The following GRIN2A variants were observed in gnomAD, a reference collection of about 807,000 sequenced individuals.
The protein encoded by GRIN2A is glutamate ionotropic receptor NMDA type subunit 2A.
A neutral mutation model predicts 113.4 loss-of-function variants in GRIN2A; 22 were observed. The observed-to-expected ratio is 0.19, with a 90% confidence interval of 0.14 to 0.28. GRIN2A has a LOEUF of 0.28. GRIN2A is among the 10% of genes least tolerant of loss of function. The probability of loss-of-function intolerance (pLI) is 1.00; values close to 1 mark genes in which losing one functional copy is unlikely to be tolerated. For missense variants in GRIN2A, 1,502 were observed against 1,887.0 expected (o/e 0.80, Z 3.78); for synonymous variants, 827 against 738.4 (o/e 1.12, Z -1.94).
At chr16:10,080,118 T>C (rs1366790632) in intron 2 of GRIN2A, among the ~76,000 whole-genome samples, 1 of 152,224 alleles carries the variant, frequency 6.6e-6, no homozygotes, top group African/African-American at 2.4e-5. Context: ...TTACTGTTCT[T>C]ATCATCTCCC....
chr16:9,879,514 G>C (rs2043436705), intron 4 of GRIN2A, among the ~76,000 whole-genome samples: 1 of 152,168 alleles, frequency 6.6e-6, no homozygotes, highest in African/African-American at 2.4e-5. Context: ...ATTTCTCTCA[G>C]ATTCCGCGGC....
chr16:9,868,032 T>C (rs1385878399), intron 4 of GRIN2A, among the ~76,000 whole-genome samples: 1 of 152,206 alleles, frequency 6.6e-6, no homozygotes, highest in Non-Finnish European at 1.5e-5. Flanking sequence ...ATCCCAACCA[T>C]GGAAATATCC....
chr16:9,874,862 G>T (rs2141435918), intron 4 of GRIN2A, among the ~76,000 whole-genome samples: 1 of 152,100 alleles, frequency 6.6e-6, no homozygotes, highest in South Asian at 2.1e-4. Context: ...AAGGCAGGCA[G>T]ATTGCCTGGG....
chr16:10,150,924 G>A (rs559562338), intron 2 of GRIN2A, among the ~76,000 whole-genome samples: 1 of 152,284 alleles, frequency 6.6e-6, no homozygotes, highest in African/African-American at 2.4e-5. Context: ...CCTGTGCCCT[G>A]AACATGCCTG....
intron 2 of GRIN2A, among the ~76,000 whole-genome samples, chr16:10,027,041 A>C (rs897856338): frequency 1.3e-5 from 2 of 152,154 alleles, no homozygotes; most frequent in Admixed American, 1.3e-4. Context: ...CCTAGTGCTT[A>C]TTATCAGCTG....
intron 2 of GRIN2A, among the ~76,000 whole-genome samples, chr16:10,119,512 T>C (rs1399470135): frequency 6.6e-6 from 1 of 152,168 alleles, no homozygotes; most frequent in Non-Finnish European, 1.5e-5. Context: ...AAAGCTTCAT[T>C]CAAGAAAGGA....
intron 11 of GRIN2A, among the ~76,000 whole-genome samples, chr16:9,778,522 A>C (rs984399546): frequency 6.6e-6 from 1 of 152,232 alleles, no homozygotes; most frequent in Non-Finnish European, 1.5e-5. Flanking sequence ...TTTTAAACAC[A>C]TACAGATTTA....
intron 2 of GRIN2A, among the ~76,000 whole-genome samples, chr16:10,018,144 A>G (rs2046644549): frequency 6.6e-6 from 1 of 152,218 alleles, no homozygotes; most frequent in Non-Finnish European, 1.5e-5. Context: ...ACTTTTTTAA[A>G]GAGATGAGTT....
intron 2 of GRIN2A, among the ~76,000 whole-genome samples, chr16:10,036,697 C>T (rs868246232): frequency 2.0e-5 from 3 of 151,758 alleles, no homozygotes; most frequent in Admixed American, 2.0e-4. Context: ...CCGCCCACCT[C>T]GGCCTCCCAA....
chr16:10,159,861 C>T (rs966514580), intron 2 of GRIN2A, among the ~76,000 whole-genome samples: 1 of 152,162 alleles, frequency 6.6e-6, no homozygotes, highest in African/African-American at 2.4e-5. Context: ...TTATGTGGAA[C>T]CCACCCAAAG....
chr16:9,952,321 G>A (rs1003657140), intron 2 of GRIN2A, among the ~76,000 whole-genome samples: 12 of 152,126 alleles, frequency 7.9e-5, no homozygotes, highest in Non-Finnish European at 1.0e-4. Flanking sequence ...TAGATGGAGG[G>A]CAACTTGGCA....
intron 2 of GRIN2A, among the ~76,000 whole-genome samples, chr16:10,104,954 A>T (rs892754240): frequency 3.3e-5 from 5 of 152,206 alleles, no homozygotes; most frequent in African/African-American, 1.2e-4. Context: ...GAGGTGCTAA[A>T]TGTTACGAGA....
At chr16:9,911,441 T>C (rs2141551839) in intron 3 of GRIN2A, among the ~76,000 whole-genome samples, 1 of 152,358 alleles carries the variant, frequency 6.6e-6, no homozygotes, top group East Asian at 1.9e-4. Context: ...AGCTAGTTCC[T>C]AGTGTTAGCG....
intron 2 of GRIN2A, among the ~76,000 whole-genome samples, chr16:10,039,633 C>T (rs919915337): frequency 5.9e-5 from 9 of 151,606 alleles, no homozygotes; most frequent in South Asian, 2.1e-4. Context: ...AGGGTCTGCG[C>T]GGGGAGGGTC....
chr16:9,866,454 G>A (rs1248666689), intron 4 of GRIN2A, among the ~76,000 whole-genome samples: 2 of 152,198 alleles, frequency 1.3e-5, no homozygotes, highest in East Asian at 3.9e-4. Flanking sequence ...TAAAGGAGAA[G>A]AGAGGGAAAG....
chr16:9,962,030 A>G (rs2045453188), intron 2 of GRIN2A, among the ~76,000 whole-genome samples: 1 of 152,200 alleles, frequency 6.6e-6, no homozygotes. Flanking sequence ...CCTATTTAAT[A>G]AATGGTGCTG....
chr16:10,125,039 C>G (rs776189756), intron 2 of GRIN2A, among the ~76,000 whole-genome samples: 1 of 152,146 alleles, frequency 6.6e-6, no homozygotes, highest in East Asian at 1.9e-4. Context: ...CAAAAAAGCA[C>G]GTAGTGCCCA....
rs189363148 is a variant in GRIN2A at position 10,130,028 on chromosome 16, T to C, written c.414+49970A>G. ...AGGGAGAGAGAAATCAAAGGTGACTTGTAGGTTTGTAGTTTGAACAGCTAG... is the reference window on the plus strand; with the variant it reads ...AGGGAGAGAGAAATCAAAGGTGACTCGTAGGTTTGTAGTTTGAACAGCTAG... On this transcript the variant is annotated intron_variant, in intron 2 of 12. Coordinates refer to ENST00000330684, the MANE Select transcript of GRIN2A (RefSeq NM_001134407.3). Among the ~76,000 whole-genome samples, 15 of 152,302 alleles carry C rather than the reference T, an allele frequency of 9.8e-5. No homozygotes were observed. The East Asian group carries it at 2.5e-3, about 25-fold the overall frequency.
chr16:10,004,170 C>G (rs1384639394), intron 2 of GRIN2A, among the ~76,000 whole-genome samples: 3 of 152,026 alleles, frequency 2.0e-5, no homozygotes, highest in African/African-American at 7.2e-5. Context: ...GCGGGCACAT[C>G]ACGAAGTCAG....
Sources: allele counts gnomAD v4.1 joint callset (sites outside exome capture counted in the v4.1 genomes callset), GRCh38; gene constraint gnomAD v4.1.1; transcripts MANE v1.5; gene names NCBI Gene and HGNC (gene_info 2026-07-23, HGNC 2026-07-21).